NUP98: variants seen among roughly 807,000 people sequenced by gnomAD.
NUP98 encodes the protein nucleoporin 98 and 96 precursor.
A neutral mutation model predicts 191.9 loss-of-function variants in NUP98; 26 were observed. That is an observed-to-expected ratio of 0.14 (90% CI 0.10 to 0.19). The LOEUF (loss-of-function observed/expected upper bound fraction) is 0.19, where lower values mean the gene tolerates loss of function less well. NUP98 is among the 10% of genes least tolerant of loss of function. The probability of loss-of-function intolerance (pLI) is 1.00; values close to 1 mark genes in which losing one functional copy is unlikely to be tolerated. For synonymous variants in NUP98, 808 were observed against 778.4 expected, an observed-to-expected ratio of 1.04 and a Z score of -0.63; for missense variants, 1,941 against 2,178.8, an observed-to-expected ratio of 0.89 and a Z score of 2.17.
At chr11:3,688,262 C>T (rs1167516299) in intron 28 of NUP98, among the ~76,000 whole-genome samples, 2 of 151,870 alleles carry the variant, frequency 1.3e-5, no homozygotes, top group African/African-American at 2.4e-5. Flanking sequence ...AAAAATTAGC[C>T]GGGCGTGGTG....
At chr11:3,756,650 G>C (rs2080968233) in intron 10 of NUP98, among the ~76,000 whole-genome samples, 1 of 151,746 alleles carries the variant, frequency 6.6e-6, no homozygotes, top group African/African-American at 2.4e-5. Flanking sequence ...TCGAACTCCT[G>C]ACCTCAGGTG....
At chr11:3,709,066 A>G (rs1043752497) in intron 20 of NUP98, among the ~76,000 whole-genome samples, 2 of 152,230 alleles carry the variant, frequency 1.3e-5, no homozygotes, top group Non-Finnish European at 2.9e-5. Context: ...CTAACGATAC[A>G]GCATTGCTTA....
intron 12 of NUP98, among the ~76,000 whole-genome samples, chr11:3,737,504 G>A (rs1179945851): frequency 6.6e-6 from 1 of 152,070 alleles, no homozygotes; most frequent in Non-Finnish European, 1.5e-5. Flanking sequence ...GTGGGCACCT[G>A]TAGTCCCAGC....
chr11:3,719,546 A>G lies in NUP98; in HGVS notation c.2265T>C (p.Tyr755=). ...CATCTCCTTCAAAATAGATTGAACC[A>G]TAACCTATAAATCAGAGCAAATAGT... The part of the protein sequence containing the change: ...VSDFTIGRKG[Y]GSIYFEGDVN... Residue 755 remains tyrosine (Y), a synonymous_variant, in exon 18 of 33, where the codon TAT becomes TAC. Transcript: ENST00000324932. 1 of 1,574,954 alleles carries G rather than the reference A, an allele frequency of 6.3e-7. No homozygotes were observed. Among genetic ancestry groups the G allele is most frequent in the South Asian group, 1.2e-5 (1 of 84,308 alleles).
Position 3,764,173 on chromosome 11 carries a change from T to C in NUP98, c.949-1134A>G, listed in dbSNP as rs184713632. On this transcript the variant is annotated intron_variant, in intron 8 of 32. Transcript: ENST00000324932. ...TTTTCTATGGATTTTTTTTTTATTC[T>C]GAACATTTAATGTGAATGGAGTCAT... Among the ~76,000 whole-genome samples the C allele has an allele frequency of 9.2e-5, 14 of 152,314 alleles. No homozygotes were observed. The East Asian group carries it at 2.7e-3, about 29-fold the overall frequency.
rs368728800 is a variant in NUP98, at chr11:3,773,042, T to C, written c.603+590A>G. Among the ~76,000 whole-genome samples the C allele has an allele frequency of 2.6e-5, 4 of 152,136 alleles. No homozygotes were observed. The East Asian group carries it at 5.8e-4, about 22-fold the overall frequency. On this transcript the variant is annotated intron_variant, in intron 6 of 32. Transcript: ENST00000324932. ...TATTAAGCTGTACTTTGCATAATTTTACTAAAAACACCTTCATATGCATGC... is the reference window on the plus strand; with the variant it reads ...TATTAAGCTGTACTTTGCATAATTTCACTAAAAACACCTTCATATGCATGC...
chr11:3,724,564 G>A (rs1306761233), intron 15 of NUP98, among the ~76,000 whole-genome samples: 3 of 151,884 alleles, frequency 2.0e-5, no homozygotes, highest in Non-Finnish European at 4.4e-5. Context: ...GGCCAAGGCG[G>A]GCAGATCACT....
At chr11:3,722,099 G>A (rs1350491842) in intron 16 of NUP98, among the ~76,000 whole-genome samples, 2 of 149,036 alleles carry the variant, frequency 1.3e-5, no homozygotes, top group Non-Finnish European at 1.5e-5. Flanking sequence ...TTAAGCACCT[G>A]GAATTCTTTT....
At chr11:3,753,551 T>TAA (rs368121441) in intron 10 of NUP98, 143 bp from the exon 11 acceptor site, 7 of 568,576 alleles carry the variant, frequency 1.2e-5, no homozygotes, top group African/African-American at 5.8e-5. Flanking sequence ...TAGGATAACT[T>TAA]AAAAAAAAAA....
At chr11:3,779,104 A>T in intron 3 of NUP98, 52 bp downstream of exon 3, 1 of 1,613,140 alleles carries the variant, frequency 6.2e-7, no homozygotes, top group Non-Finnish European at 8.5e-7. Flanking sequence ...CACTAAGTCA[A>T]TTCCTATACT....
At chr11:3,780,772 C>T (rs2081941974) in intron 2 of NUP98, among the ~76,000 whole-genome samples, 1 of 151,442 alleles carries the variant, frequency 6.6e-6, no homozygotes, top group Non-Finnish European at 1.5e-5. Flanking sequence ...CTCACCTCTA[C>T]AAAAAATTTT....
intron 6 of NUP98, 134 bp downstream of exon 6, chr11:3,773,498 T>C: frequency 2.0e-6 from 1 of 492,786 alleles, no homozygotes; most frequent in South Asian, 3.4e-5. Flanking sequence ...TAAAAATAAT[T>C]TGGTTAATGT....
intron 23 of NUP98, among the ~76,000 whole-genome samples, chr11:3,702,187 G>A (rs2078703102): frequency 1.3e-5 from 2 of 151,632 alleles, no homozygotes; most frequent in Non-Finnish European, 2.9e-5. Context: ...GCAGCAAGCT[G>A]AGATCGTGCC....
chr11:3,780,840 G>A (rs957005436), intron 2 of NUP98, among the ~76,000 whole-genome samples: 2 of 152,018 alleles, frequency 1.3e-5, no homozygotes, highest in African/African-American at 4.8e-5. Context: ...AGCACTTTGG[G>A]AGGCCGAGGC....
chr11:3,734,010 A>C (rs2079947824), intron 13 of NUP98, among the ~76,000 whole-genome samples: 1 of 152,084 alleles, frequency 6.6e-6, no homozygotes, highest in African/African-American at 2.4e-5. Context: ...TACAGGATTA[A>C]ATTTAAGAAC....
intron 1 of NUP98, among the ~76,000 whole-genome samples, chr11:3,788,180 T>A (rs766028885): frequency 1.3e-5 from 2 of 152,224 alleles, no homozygotes. Flanking sequence ...TAATTTTAAA[T>A]AGTCCATAGC....
chr11:3,747,695 C>T (rs1314209892), intron 11 of NUP98, among the ~76,000 whole-genome samples: 1 of 152,168 alleles, frequency 6.6e-6, no homozygotes, highest in Non-Finnish European at 1.5e-5. Flanking sequence ...CAAACGCCCA[C>T]ATTACAGGAG....
intron 1 of NUP98, among the ~76,000 whole-genome samples, chr11:3,782,570 A>ATTTTTTT (rs35916882): frequency 1.7e-5 from 2 of 117,466 alleles, no homozygotes; most frequent in Non-Finnish European, 3.4e-5. Flanking sequence ...AAAAGCTAAC[A>ATTTTTTT]TTTTTTTTTT....
intron 18 of NUP98, among the ~76,000 whole-genome samples, chr11:3,715,177 C>T (rs142966833): frequency 5.9e-5 from 9 of 152,278 alleles, no homozygotes; most frequent in Non-Finnish European, 1.3e-4. Context: ...GACTGAGTCT[C>T]GCTCTGTCAC....
Sources: gnomAD v4.1 joint callset for allele counts (sites outside exome capture counted in the v4.1 genomes callset) on GRCh38, gnomAD v4.1.1 for gene constraint, MANE v1.5 for transcripts, NCBI Gene and HGNC (gene_info 2026-07-23, HGNC 2026-07-21) for gene names.